DLGAP1: variants seen among roughly 807,000 people sequenced by gnomAD.
DLGAP1 encodes the protein disks large-associated protein 1.
DLGAP1 carries 11 observed loss-of-function variants against 90.8 expected under a neutral mutation model. The observed-to-expected ratio is 0.12, with a 90% CI of 0.08 to 0.20. DLGAP1 has a LOEUF of 0.20. DLGAP1 is among the 10% of genes least tolerant of loss of function. The probability of loss-of-function intolerance (pLI) is 1.00; values close to 1 mark genes in which losing one functional copy is unlikely to be tolerated. For synonymous variants in DLGAP1, 558 were observed against 540.7 expected, an observed-to-expected ratio of 1.03 and a Z score of -0.44; for missense variants, 1,050 against 1,333.8, an observed-to-expected ratio of 0.79 and a Z score of 3.31.
chr18:3,852,045 T>C (rs1019542663), intron 4 of DLGAP1, among the ~76,000 whole-genome samples: 10 of 152,166 alleles, frequency 6.6e-5, no homozygotes, highest in African/African-American at 2.4e-4. Flanking sequence ...AGGACATGTA[T>C]CGAATATGGC....
intron 1 of DLGAP1, among the ~76,000 whole-genome samples, chr18:4,283,649 T>C (rs1317245500): frequency 6.6e-6 from 1 of 152,060 alleles, no homozygotes; most frequent in Non-Finnish European, 1.5e-5. Flanking sequence ...ATAAAGAAAG[T>C]TTTAAAGGGA....
At chr18:3,521,383 G>T (rs1438737724) in intron 10 of DLGAP1, among the ~76,000 whole-genome samples, 1 of 152,134 alleles carries the variant, frequency 6.6e-6, no homozygotes, top group Non-Finnish European at 1.5e-5. Context: ...GCCCCCTTCA[G>T]CAGGGCAGGT....
intron 7 of DLGAP1, among the ~76,000 whole-genome samples, chr18:3,623,839 C>T (rs2058194013): frequency 6.6e-6 from 1 of 151,574 alleles, no homozygotes; most frequent in Non-Finnish European, 1.5e-5. Flanking sequence ...TGCTTCCCTG[C>T]TAATGGGCCT....
At chr18:4,262,108 G>A (rs753842611) in intron 1 of DLGAP1, among the ~76,000 whole-genome samples, 1 of 152,150 alleles carries the variant, frequency 6.6e-6, no homozygotes, top group African/African-American at 2.4e-5. Flanking sequence ...CCATTTCAAA[G>A]GTGAAGGAGA....
intron 1 of DLGAP1, among the ~76,000 whole-genome samples, chr18:4,432,655 A>G (rs936460741): frequency 6.6e-6 from 1 of 150,520 alleles, no homozygotes; most frequent in Non-Finnish European, 1.5e-5. Context: ...TACTTTCTTA[A>G]AGTATACATT....
chr18:4,365,117 A>G (rs1014973055), intron 1 of DLGAP1, among the ~76,000 whole-genome samples: 1 of 152,230 alleles, frequency 6.6e-6, no homozygotes, highest in Admixed American at 6.5e-5. Flanking sequence ...AATATTAACA[A>G]TAATATTCCT....
chr18:3,990,182 G>A (rs1170254501), intron 3 of DLGAP1, among the ~76,000 whole-genome samples: 4 of 151,422 alleles, frequency 2.6e-5, no homozygotes, highest in Non-Finnish European at 5.9e-5. Context: ...ACACATGCAC[G>A]TGTATGTTTA....
chr18:3,765,298 T>A (rs1305640029), intron 5 of DLGAP1, among the ~76,000 whole-genome samples: 3 of 150,258 alleles, frequency 2.0e-5, no homozygotes, highest in African/African-American at 4.9e-5. Context: ...GCCTGGCTAG[T>A]TTTTTGTATT....
chr18:4,042,018 G>A (rs1370666840), intron 2 of DLGAP1, among the ~76,000 whole-genome samples: 2 of 152,152 alleles, frequency 1.3e-5, no homozygotes, highest in Admixed American at 6.5e-5. Context: ...ATTCCATTGT[G>A]TTATAGAGAT....
In DLGAP1 at chr18:4,378,141, T is replaced by C. The variant is rs1180529285; in HGVS notation, c.-267+76865A>G. Among the ~76,000 whole-genome samples, 2 of 149,246 alleles carry C rather than the reference T, an allele frequency of 1.3e-5. No homozygotes were observed. Among genetic ancestry groups the C allele is most frequent in the Non-Finnish European group, 3.0e-5 (2 of 67,392 alleles). ...AATATTGTATATAAAATTTATATTA[T>C]ATATATTTGAAAAAAGTCTGCAAAG... On this transcript the variant is annotated intron_variant, in intron 1 of 12. Coordinates refer to ENST00000315677, the MANE Select transcript of DLGAP1 (RefSeq NM_004746.4). This position sits in a 1 kb window ranked among gnomAD's most constrained non-coding sequence, Gnocchi z 4.5.
chr18:3,596,665 C>T (rs1356220870), intron 7 of DLGAP1: 10 of 352,352 alleles, frequency 2.8e-5, no homozygotes, highest in African/African-American at 1.5e-4. Flanking sequence ...ACAGCACACG[C>T]GTGGCTCACG....
intron 1 of DLGAP1, among the ~76,000 whole-genome samples, chr18:4,245,623 C>G (rs2078638261): frequency 6.6e-6 from 1 of 152,148 alleles, no homozygotes; most frequent in Non-Finnish European, 1.5e-5. Flanking sequence ...AGAGATAACA[C>G]AGAGTCCCAG....
At chr18:4,354,691 G>GCT (rs2081469403) in intron 1 of DLGAP1, among the ~76,000 whole-genome samples, 1 of 151,570 alleles carries the variant, frequency 6.6e-6, no homozygotes, top group African/African-American at 2.4e-5. Context: ...CCCCTACACT[G>GCT]CTCCTCATCT....
At chr18:3,754,723 C>CAAAAAAAAA (rs1161245616) in intron 5 of DLGAP1, among the ~76,000 whole-genome samples, 12 of 58,732 alleles carry the variant, frequency 2.0e-4, no homozygotes, top group Non-Finnish European at 2.9e-4. Context: ...TACTAAAATA[C>CAAAAAAAAA]AAAAAAAAAA....
chr18:3,652,263 C>A (rs900075563), intron 7 of DLGAP1, among the ~76,000 whole-genome samples: 1 of 151,686 alleles, frequency 6.6e-6, no homozygotes, highest in African/African-American at 2.4e-5. Flanking sequence ...ATTTTTAATA[C>A]ATTAAATCCC....
chr18:3,770,225 C>T (rs2064460961), intron 5 of DLGAP1, among the ~76,000 whole-genome samples: 1 of 152,112 alleles, frequency 6.6e-6, no homozygotes, highest in Non-Finnish European at 1.5e-5. Context: ...TGCATAAGGC[C>T]TGCATCTTCC....
At chr18:4,396,315 C>A (rs1442151243) in intron 1 of DLGAP1, among the ~76,000 whole-genome samples, 1 of 152,152 alleles carries the variant, frequency 6.6e-6, no homozygotes, top group African/African-American at 2.4e-5. Flanking sequence ...AATATGACCA[C>A]CAGGAAATCC....
At chr18:3,652,381 G>C (rs1333365089) in intron 7 of DLGAP1, among the ~76,000 whole-genome samples, 1 of 152,100 alleles carries the variant, frequency 6.6e-6, no homozygotes, top group East Asian at 1.9e-4. Context: ...AGGCTGGAGT[G>C]CAGTGGCGCA....
intron 7 of DLGAP1, among the ~76,000 whole-genome samples, chr18:3,728,327 T>TATAC (rs1476550297): frequency 1.2e-5 from 1 of 82,446 alleles, no homozygotes; most frequent in Non-Finnish European, 2.0e-5. Flanking sequence ...TATATATATA[T>TATAC]ACATGTTTCA....
Sources: allele counts gnomAD v4.1 joint callset (sites outside exome capture counted in the v4.1 genomes callset), GRCh38; gene constraint gnomAD v4.1.1; non-coding constraint Gnocchi (gnomAD v3.1); transcripts MANE v1.5; gene names NCBI Gene and HGNC (gene_info 2026-07-23, HGNC 2026-07-21).